Variants in FBP2 observed in about 807,000 individuals in gnomAD.
FBP2 encodes fructose-bisphosphatase 2, also known as fructose-1,6-bisphosphatase isozyme 2.
A neutral mutation model predicts 31.6 loss-of-function variants in FBP2; 27 were observed. The ratio of observed to expected loss-of-function variants is 0.85; its 90% CI spans 0.63 to 1.18. The LOEUF (loss-of-function observed/expected upper bound fraction) is 1.18. Among genes scored for constraint, FBP2 ranks in the 50% most tolerant of loss-of-function variants. The probability of loss-of-function intolerance (pLI) is 0.00; values close to 1 mark genes in which losing one functional copy is unlikely to be tolerated. For synonymous variants in FBP2, 168 were observed against 179.8 expected (o/e 0.93, Z 0.53); for missense variants, 421 against 436.1 (o/e 0.97, Z 0.31).
At chr9:94,583,109 C>T (rs1428313068) in intron 3 of FBP2, among the ~76,000 whole-genome samples, 1 of 152,080 alleles carries the variant, frequency 6.6e-6, no homozygotes, top group African/African-American at 2.4e-5. Flanking sequence ...CCCACCTCAG[C>T]CTCCCAAAAT....
At position 94,593,586 on chromosome 9, in the gene FBP2, C is replaced by G. The variant is rs370129734; in HGVS notation, c.141G>C (p.Ser47=). The G allele has an allele frequency of 6.2e-7, 1 of 1,613,920 alleles. No homozygotes were observed. The highest frequency in any genetic ancestry group is 8.5e-7 in the Non-Finnish European group (1 of 1,180,018). Residue 47 remains serine (S), a synonymous_variant, in exon 1 of 7, where the codon TCG becomes TCC. Transcript: ENST00000375337. ...GGGCCAGACCGGCCTTGCGCACAGC[C>G]GAGGAGATGGCTTTGATGGCCGTCA... ...SMLTAIKAIS[S]AVRKAGLAHL...
At chr9:94,590,729 G>T (rs118026948) in intron 1 of FBP2, among the ~76,000 whole-genome samples, 2 of 152,188 alleles carry the variant, frequency 1.3e-5, no homozygotes, top group Non-Finnish European at 2.9e-5. Flanking sequence ...AGACCCAAAC[G>T]GGTTGCCGAT....
chr9:94,588,117 C>T (rs530396029), intron 1 of FBP2, among the ~76,000 whole-genome samples: 75 of 152,244 alleles, frequency 4.9e-4, no homozygotes, highest in Non-Finnish European at 6.6e-4. Context: ...TCCCAAAGTG[C>T]TGGGATTACA....
intron 1 of FBP2, among the ~76,000 whole-genome samples, chr9:94,593,092 C>A (rs1827519171): frequency 6.6e-6 from 1 of 152,314 alleles, no homozygotes; most frequent in South Asian, 2.1e-4. Context: ...AGAGCAGATG[C>A]AGGAAGGGGC....
chr9:94,562,513 T>C (rs1827124162), intron 6 of FBP2, among the ~76,000 whole-genome samples: 1 of 152,082 alleles, frequency 6.6e-6, no homozygotes, highest in African/African-American at 2.4e-5. Flanking sequence ...TCTCTCTGGC[T>C]TCATGTGCTG....
chr9:94,576,430 C>A (rs1038836786), intron 3 of FBP2, among the ~76,000 whole-genome samples: 2 of 152,224 alleles, frequency 1.3e-5, no homozygotes, highest in Admixed American at 6.5e-5. Flanking sequence ...CATTCAGTTA[C>A]AATTTTAGTG....
chr9:94,562,540 G>A (rs575380350), intron 6 of FBP2, among the ~76,000 whole-genome samples: 12 of 152,172 alleles, frequency 7.9e-5, no homozygotes, highest in African/African-American at 2.6e-4. Context: ...ATCTCTCAGC[G>A]TGGCTTTGAT....
intron 6 of FBP2, among the ~76,000 whole-genome samples, chr9:94,561,586 C>T (rs965189404): frequency 6.6e-5 from 10 of 151,944 alleles, no homozygotes; most frequent in Admixed American, 4.6e-4. Flanking sequence ...AGGATGGTCT[C>T]GATCTTCTGA....
chr9:94,590,009 T>G (rs1403605125), intron 1 of FBP2, among the ~76,000 whole-genome samples: 1 of 152,086 alleles, frequency 6.6e-6, no homozygotes, highest in East Asian at 1.9e-4. Flanking sequence ...TGGGCAGAGC[T>G]GAGAAACAGC....
At chr9:94,577,149 C>G (rs1827323630) in intron 3 of FBP2, among the ~76,000 whole-genome samples, 1 of 152,204 alleles carries the variant, frequency 6.6e-6, no homozygotes. Context: ...AGGAGATACA[C>G]CCGGGTGGTG....
At chr9:94,589,973 G>A (rs635087) in intron 1 of FBP2, among the ~76,000 whole-genome samples, 117,194 of 152,056 alleles carry the variant, frequency 0.77, 45,240 homozygotes, top group African/African-American at 0.78. Flanking sequence ...GCCACTGGAG[G>A]ATGAACAGCA....
chr9:94,582,361 T>C (rs1163172281), intron 3 of FBP2, among the ~76,000 whole-genome samples: 33 of 143,712 alleles, frequency 2.3e-4, no homozygotes, highest in South Asian at 2.1e-3. Context: ...CGTGTGTGTG[T>C]GTGTGTGTGT....
In FBP2 at chr9:94,571,606, T is replaced by C; in HGVS notation, c.427-4A>G. 6.2e-7 allele frequency: 1 copy of C among 1,609,860 alleles called. No homozygotes were observed. The highest frequency in any genetic ancestry group is 8.5e-7 in the Non-Finnish European group (1 of 1,177,822). On this transcript the variant is annotated splice_region_variant and splice_polypyrimidine_tract_variant and intron_variant, in intron 3 of 6. Transcript: ENST00000375337. ...CAGAAGGCTCATCCTCTGAGGTCTGTGGAAGAGAGGGATAAATGCCATGTG... is the reference window on the plus strand; with the variant it reads ...CAGAAGGCTCATCCTCTGAGGTCTGCGGAAGAGAGGGATAAATGCCATGTG...
At chr9:94,566,512 A>G (rs1353308695) in intron 5 of FBP2, among the ~76,000 whole-genome samples, 2 of 152,214 alleles carry the variant, frequency 1.3e-5, no homozygotes. Context: ...TCGAATATCT[A>G]TAGAAACAAT....
At chr9:94,585,882 A>G (rs940600715) in intron 2 of FBP2, among the ~76,000 whole-genome samples, 12 of 151,930 alleles carry the variant, frequency 7.9e-5, no homozygotes, top group Middle Eastern at 3.4e-3. Flanking sequence ...AGTAGCTGGG[A>G]CTACAGGTGC....
intron 3 of FBP2, among the ~76,000 whole-genome samples, chr9:94,574,314 C>T (rs753665944): frequency 5.9e-5 from 9 of 152,110 alleles, no homozygotes; most frequent in Non-Finnish European, 1.2e-4. Context: ...TTTAATTCAG[C>T]CTGGTAAACA....
chr9:94,579,686 A>G (rs147502729), intron 3 of FBP2, among the ~76,000 whole-genome samples: 20 of 152,216 alleles, frequency 1.3e-4, no homozygotes, highest in Middle Eastern at 3.4e-3. Context: ...TACTTTTATA[A>G]CCTCTTTCTC....
chr9:94,587,122 G>A (rs905827421), intron 2 of FBP2, among the ~76,000 whole-genome samples, 185 bp downstream of exon 2: 3 of 152,210 alleles, frequency 2.0e-5, no homozygotes, highest in African/African-American at 7.2e-5. Context: ...CTGTCCTACT[G>A]TGGAGTCTTC....
At chr9:94,575,030 A>C (rs1429949605) in intron 3 of FBP2, among the ~76,000 whole-genome samples, 1 of 152,202 alleles carries the variant, frequency 6.6e-6, no homozygotes. Context: ...AAATTAATGA[A>C]AATTGCAAGA....
Sources: allele counts gnomAD v4.1 joint callset (sites outside exome capture counted in the v4.1 genomes callset), GRCh38; gene constraint gnomAD v4.1.1; transcripts MANE v1.5; gene names NCBI Gene and HGNC (gene_info 2026-07-23, HGNC 2026-07-21).